AHNAK: variants seen among roughly 807,000 people sequenced by gnomAD.
AHNAK encodes the protein neuroblast differentiation-associated protein AHNAK.
AHNAK carries 23 observed loss-of-function variants against 37.8 expected under a neutral mutation model. That is an observed-to-expected ratio of 0.61 (90% confidence interval 0.44 to 0.86). The LOEUF (loss-of-function observed/expected upper bound fraction) is 0.86. AHNAK is among the 40% of genes least tolerant of loss of function. The pLI, the probability that AHNAK is intolerant of heterozygous loss-of-function variation, is 0.00. For synonymous variants in AHNAK, 2,481 were observed against 2,636.3 expected (o/e 0.94, Z 1.80); for missense variants, 7,411 against 7,319.4 (o/e 1.01, Z -0.46).
Position 62,523,040 on chromosome 11 carries a change from C to T in AHNAK, c.11377G>A (p.Val3793Ile). ...GPKVDINAPD[V>I]DVQGPDWHLK... ...TGCCAGTCTGGGCCTTGAACATCAACATCTGGAGCATTAATGTCCACTTTG... is the reference window on the plus strand; with the variant it reads ...TGCCAGTCTGGGCCTTGAACATCAATATCTGGAGCATTAATGTCCACTTTG... The change falls in exon 5 of 5, where the codon GTT (valine) becomes ATT (isoleucine). Residue 3793 changes from valine to isoleucine, a missense_variant. Physicochemically the swap from Val to Ile is conservative, Grantham distance 29 (BLOSUM62 3). Transcript: ENST00000378024. The T allele has an allele frequency of 6.2e-7, 1 of 1,614,136 alleles. No homozygotes were observed. Among genetic ancestry groups the T allele is most frequent in the South Asian group, 1.1e-5 (1 of 91,088 alleles).
rs1940213978 is a variant in AHNAK at position 62,520,903 on chromosome 11, G to A, written c.13514C>T (p.Pro4505Leu). The A allele has an allele frequency of 1.9e-6, 3 of 1,614,120 alleles. No homozygotes were observed. ...ATGTACATCAGGCATCTTAAACTTG[G>A]GACCTTTGAGCTTCCCTTCAGGACC... ...IEGPEGKLKG[P>L]KFKMPDVHFK... is the part of the protein sequence containing the mutation. Residue 4505 changes from proline (P) to leucine (L), a missense_variant, in exon 5 of 5, where the codon CCC becomes CTC. Pro to Leu is a moderately conservative substitution (Grantham distance 98, BLOSUM62 -3). Transcript: ENST00000378024.
chr11:62,449,452 G>A (rs1007171248), intron 5 of AHNAK, among the ~76,000 whole-genome samples: 1 of 152,198 alleles, frequency 6.6e-6, no homozygotes, highest in African/African-American at 2.4e-5. Flanking sequence ...AACACCAGGC[G>A]GGATCAGGGT....
In AHNAK at chr11:62,522,685, C is replaced by A. The variant is rs768846067; in HGVS notation, c.11732G>T (p.Gly3911Val). The A allele has an allele frequency of 3.7e-6, 6 of 1,612,768 alleles. No individual in the cohort carries two copies. In the South Asian group the frequency reaches 6.6e-5, roughly 18 times the overall value. ...TGGGGCATTAATATCCACTTTGGGG[C>A]CTTTAATATCCAAGTCAGGAACTTG... ...DMQVPDLDIK[G>V]PKVDINAPDV... Residue 3911 changes from glycine to valine, a missense_variant, in exon 5 of 5, where the codon GGC becomes GTC. Coordinates refer to ENST00000378024, the MANE Select transcript of AHNAK (RefSeq NM_001620.3).
intron 5 of AHNAK, among the ~76,000 whole-genome samples, chr11:62,471,194 G>A (rs1037084879): frequency 2.0e-5 from 3 of 152,112 alleles, no homozygotes; most frequent in Admixed American, 6.6e-5. Context: ...TAATAGTGAC[G>A]CCTTTGACAT....
chr11:62,519,389 G>A lies in AHNAK; in HGVS notation c.15028C>T (p.Pro5010Ser), dbSNP rs766012483. Residue 5010 changes from proline (P) to serine (S), a missense_variant, in exon 5 of 5, where the codon CCT becomes TCT. Pro to Ser is a moderately conservative substitution (Grantham distance 74). Transcript: ENST00000378024. ...CCCTTGCCACCAACACTAATTTCAGGAGTCTCAAGGTTCAGCTCTGCCTCA... is the reference window on the plus strand; with the variant it reads ...CCCTTGCCACCAACACTAATTTCAGAAGTCTCAAGGTTCAGCTCTGCCTCA... ...VPEAELNLET[P>S]EISVGGKGKK... 11 of 1,613,856 alleles carry A rather than the reference G, an allele frequency of 6.8e-6. No homozygotes were observed. The highest frequency in any genetic ancestry group is 9.3e-6 in the Non-Finnish European group (11 of 1,179,924).
intron 4 of AHNAK, among the ~76,000 whole-genome samples, chr11:62,509,306 G>A (rs1207350464): frequency 6.6e-6 from 1 of 152,106 alleles, no homozygotes; most frequent in Non-Finnish European, 1.5e-5. Context: ...GGTGGCTCAC[G>A]CCTGTAATTC....
chr11:62,487,553 G>T (rs997583343), intron 5 of AHNAK, among the ~76,000 whole-genome samples: 1 of 152,114 alleles, frequency 6.6e-6, no homozygotes, highest in East Asian at 1.9e-4. Context: ...ACTGTCGCCG[G>T]TGGCGCAGTC....
intron 5 of AHNAK, among the ~76,000 whole-genome samples, chr11:62,489,909 C>T (rs990814691): frequency 2.6e-5 from 4 of 151,978 alleles, no homozygotes; most frequent in Non-Finnish European, 5.9e-5. Context: ...AACATGAAGG[C>T]GATATCACCA....
Position 62,526,020 on chromosome 11 carries a change from T to A in AHNAK, c.8397A>T (p.Gly2799=). ...NLPKADIDVS[G]PKVDVECPDV... is the part of the protein sequence containing the mutation. ...CGGGACATTCAACATCCACTTTCGG[T>A]CCTGAGACATCAATGTCAGCCTTGG... Residue 2799 remains glycine, a synonymous_variant, in exon 5 of 5, where the codon GGA becomes GGT. Transcript: ENST00000378024. 6.2e-7 allele frequency: 1 copy of A among 1,609,698 alleles called. No individual in the cohort carries two copies.
intron 5 of AHNAK, among the ~76,000 whole-genome samples, chr11:62,481,567 TTTTATTTATTTA>T (rs761257613): frequency 6.6e-6 from 1 of 151,818 alleles, no homozygotes; most frequent in African/African-American, 2.4e-5. Context: ...ACTCTTTATT[TTTTATTTATTTA>T]TTTATTTATT....
chr11:62,505,457 G>T (rs1939793484), intron 4 of AHNAK, among the ~76,000 whole-genome samples: 1 of 152,032 alleles, frequency 6.6e-6, no homozygotes, highest in African/African-American at 2.4e-5. Flanking sequence ...GTATCATCCC[G>T]TTTCTGGTTG....
intron 4 of AHNAK, among the ~76,000 whole-genome samples, chr11:62,505,499 G>A (rs1014200552): frequency 6.6e-6 from 1 of 152,082 alleles, no homozygotes; most frequent in Non-Finnish European, 1.5e-5. Flanking sequence ...TATTGAAAGC[G>A]CGCTGCTTTA....
In AHNAK at chr11:62,517,640, A is replaced by T. The variant is rs777245440; in HGVS notation, c.16777T>A (p.Ser5593Thr). ...TGGGGTCCCTTCCACTCACCCCCGG[A>T]ACCTTTAACACTCAAATGCCCTTCA... ...LGEGHLSVKG[S>T]GGEWKGPQVS... Residue 5593 changes from serine to threonine, a missense_variant, in exon 5 of 5, where the codon TCC becomes ACC. Coordinates refer to ENST00000378024, the MANE Select transcript of AHNAK (RefSeq NM_001620.3). 6 of 1,614,124 alleles carry T rather than the reference A, an allele frequency of 3.7e-6. No individual in the cohort carries two copies. The Admixed American group carries it at 6.7e-5, about 18-fold the overall frequency.
At position 62,517,069 on chromosome 11, in the gene AHNAK, A is replaced by T. The variant is rs761781244; in HGVS notation, c.17348T>A (p.Phe5783Tyr). 3 of 1,614,146 alleles carry T rather than the reference A, an allele frequency of 1.9e-6. No individual in the cohort carries two copies. The highest frequency in any genetic ancestry group is 2.5e-6 in the Non-Finnish European group (3 of 1,180,034). Reference protein sequence around the residue: ...SKKPRHRSNSFSDEREFSGPS... With the variant: ...SKKPRHRSNSYSDEREFSGPS... ...TCCAGAGAACTCTCTTTCATCACTG[A>T]ATGAATTTGAGCGGTGCCGTGGCTT... Residue 5783 changes from phenylalanine (F) to tyrosine (Y), a missense_variant, in exon 5 of 5, where the codon TTC (phenylalanine) becomes TAC (tyrosine). Physicochemically the swap from Phe to Tyr is conservative, Grantham distance 22. Transcript: ENST00000378024.
chr11:62,532,790 T>C lies in AHNAK; in HGVS notation c.1627A>G (p.Ile543Val), dbSNP rs768399246. The C allele has an allele frequency of 1.1e-5, 18 of 1,614,022 alleles. No individual in the cohort carries two copies. In the African/African-American group the frequency reaches 2.1e-4, roughly 19 times the overall value. ...QVALKGSRVDIETPNLEGTLT... is the reference protein window; with the variant it reads ...QVALKGSRVDVETPNLEGTLT... Reference sequence around the variant, plus strand: ...GTTCCCTCTAGGTTTGGTGTCTCTATGTCCACTCTGGAGCCTTTAAGTGCC... The same window carrying C: ...GTTCCCTCTAGGTTTGGTGTCTCTACGTCCACTCTGGAGCCTTTAAGTGCC... Residue 543 changes from isoleucine (I) to valine (V), a missense_variant, in exon 5 of 5, where the codon ATA becomes GTA. Ile to Val is a conservative substitution (Grantham distance 29, BLOSUM62 3). Coordinates refer to ENST00000378024, the MANE Select transcript of AHNAK (RefSeq NM_001620.3).
Position 62,530,494 on chromosome 11 carries a change from C to T in AHNAK, c.3923G>A (p.Gly1308Asp). The T allele has an allele frequency of 2.5e-6, 4 of 1,612,694 alleles. No homozygotes were observed. The highest frequency in any genetic ancestry group is 3.4e-6 in the Non-Finnish European group (4 of 1,179,744). Residue 1308 changes from glycine (G) to aspartate (D), a missense_variant, in exon 5 of 5, where the codon GGC (glycine) becomes GAC (aspartate). Physicochemically the swap from Gly to Asp is moderately conservative, Grantham distance 94 (BLOSUM62 -1). Transcript: ENST00000378024. Reference sequence around the variant, plus strand: ...CATCTCAGGCATCTTAAACTTGGGGCCCTTCAGCTTTCCTTCCGGGCCCTC... The same window carrying T: ...CATCTCAGGCATCTTAAACTTGGGGTCCTTCAGCTTTCCTTCCGGGCCCTC... ...SLEGPEGKLK[G>D]PKFKMPEMHF...
At chr11:62,446,189 A>C (rs966402524) in intron 5 of AHNAK, among the ~76,000 whole-genome samples, 5 of 151,850 alleles carry the variant, frequency 3.3e-5, no homozygotes, top group African/African-American at 1.2e-4. Context: ...CTGCCAACCC[A>C]CCCCTCTGCA....
chr11:62,445,201 G>A (rs562330553), intron 5 of AHNAK, among the ~76,000 whole-genome samples: 67 of 152,292 alleles, frequency 4.4e-4, no homozygotes, highest in African/African-American at 1.5e-3. Context: ...AGGAGCTACC[G>A]AGAAGGAGAC....
chr11:62,470,065 G>A (rs1939000187), intron 5 of AHNAK, among the ~76,000 whole-genome samples: 1 of 152,158 alleles, frequency 6.6e-6, no homozygotes, highest in Admixed American at 6.6e-5. Context: ...AGCACTTTGG[G>A]AGGCCAAGGT....
Sources: gnomAD v4.1 joint callset for allele counts (sites outside exome capture counted in the v4.1 genomes callset) on GRCh38, gnomAD v4.1.1 for gene constraint, MANE v1.5 for transcripts, NCBI Gene and HGNC (gene_info 2026-07-23, HGNC 2026-07-21) for gene names.